Variants in FARS2 observed in about 807,000 individuals in gnomAD.
FARS2 encodes the protein phenylalanyl-tRNA synthetase 2, mitochondrial, also known as phenylalanine--tRNA ligase, mitochondrial.
A neutral mutation model predicts 46.4 loss-of-function variants in FARS2; 40 were observed. The ratio of observed to expected loss-of-function variants is 0.86; its 90% confidence interval spans 0.67 to 1.12. The LOEUF (loss-of-function observed/expected upper bound fraction) is 1.12. FARS2 is among the 50% of genes most tolerant of loss of function. FARS2 has a pLI of 0.00. For missense variants in FARS2, 513 were observed against 567.9 expected (o/e 0.90, Z 0.98); for synonymous variants, 234 against 214.9 (o/e 1.09, Z -0.78).
rs187039046 is a variant in FARS2 at position 5,732,313 on chromosome 6, T to A, written c.1218-38978T>A. Among the ~76,000 whole-genome samples, 244 of 152,102 alleles carry A rather than the reference T, an allele frequency of 1.6e-3. 2 individuals carry two copies. The highest frequency in any genetic ancestry group is 5.5e-3 in the African/African-American group (228 of 41,492). ...TGGCGGTGCACACTCTAGCCCTCCA[T>A]GGAGGGCAGTGACCCAGGTGTGTTC... On this transcript the variant is annotated intron_variant, in intron 6 of 6. Coordinates refer to ENST00000274680, the MANE Select transcript of FARS2 (RefSeq NM_006567.5).
At chr6:5,729,154 G>A (rs1760466281) in intron 6 of FARS2, among the ~76,000 whole-genome samples, 1 of 152,212 alleles carries the variant, frequency 6.6e-6, no homozygotes, top group East Asian at 1.9e-4. Context: ...AGTCCCAGGT[G>A]GAATCAATCT....
At chr6:5,663,585 A>C (rs1385501993) in intron 6 of FARS2, among the ~76,000 whole-genome samples, 1 of 152,180 alleles carries the variant, frequency 6.6e-6, no homozygotes, top group Non-Finnish European at 1.5e-5. Flanking sequence ...AAAAGTGGAG[A>C]GGACTTGAGA....
At chr6:5,434,141 G>A (rs1438500156) in intron 4 of FARS2, among the ~76,000 whole-genome samples, 3 of 152,080 alleles carry the variant, frequency 2.0e-5, no homozygotes, top group Non-Finnish European at 2.9e-5. Context: ...ACAGAGTCTC[G>A]CTCTGTTGCC....
rs543933021 is a variant in FARS2, at chr6:5,472,186, T to G, written c.904+41014T>G. 7.2e-4 allele frequency among the ~76,000 whole-genome samples: 110 copies of G among 152,276 alleles called. 1 individual carries two copies. Among genetic ancestry groups the G allele is most frequent in the African/African-American group, 2.6e-3 (108 of 41,552 alleles). ...GGATTGGGGCTGGGGGCTGGTGTAGTGGTGCTTCTGGAGCCTGTGGGCCGC... is the reference window on the plus strand; with the variant it reads ...GGATTGGGGCTGGGGGCTGGTGTAGGGGTGCTTCTGGAGCCTGTGGGCCGC... On this transcript the variant is annotated intron_variant, in intron 4 of 6. Coordinates refer to ENST00000274680, the MANE Select transcript of FARS2 (RefSeq NM_006567.5).
At chr6:5,288,032 T>C (rs1244698675) in intron 1 of FARS2, among the ~76,000 whole-genome samples, 1 of 152,228 alleles carries the variant, frequency 6.6e-6, no homozygotes, top group East Asian at 1.9e-4. Flanking sequence ...TCCTCCCAGC[T>C]GCCTTGTTCC....
chr6:5,545,138 T>C lies in FARS2; in HGVS notation c.905-42T>C, dbSNP rs763608264. On this transcript the variant is annotated intron_variant, in intron 4 of 6. Coordinates refer to ENST00000274680, the MANE Select transcript of FARS2 (RefSeq NM_006567.5). Reference sequence around the variant, plus strand: ...GGGAGTGGTATGAACCTATCCAATCTCGATACTTTTTAAAAACAACTATTT... The same window carrying C: ...GGGAGTGGTATGAACCTATCCAATCCCGATACTTTTTAAAAACAACTATTT... 5.6e-6 allele frequency: 9 copies of C among 1,603,098 alleles called. No homozygotes were observed. The East Asian group carries it at 2.0e-4, about 36-fold the overall frequency.
At chr6:5,489,005 C>CTT (rs1766942737) in intron 4 of FARS2, among the ~76,000 whole-genome samples, 1 of 152,052 alleles carries the variant, frequency 6.6e-6, no homozygotes, top group Non-Finnish European at 1.5e-5. Context: ...CTTTCTGGAG[C>CTT]TTACAGTATG....
intron 4 of FARS2, among the ~76,000 whole-genome samples, chr6:5,487,789 C>T (rs78404744): frequency 0.01 from 1,547 of 152,304 alleles, 26 homozygotes; most frequent in African/African-American, 0.035. Context: ...TGGTCATTGA[C>T]ATACCGTGGT....
chr6:5,626,592 A>G (rs1024129734), intron 6 of FARS2, among the ~76,000 whole-genome samples: 9 of 151,992 alleles, frequency 5.9e-5, no homozygotes, highest in African/African-American at 2.2e-4. Context: ...CCTCTCCCAC[A>G]TCCTCCTTAG....
chr6:5,368,831 G>C lies in FARS2; in HGVS notation c.261G>C (p.Trp87Cys). ...NLHNQQHHPLWLIKERVKEHF... is the reference protein window; with the variant it reads ...NLHNQQHHPLCLIKERVKEHF... ...ACAACCAGCAGCATCACCCTCTGTG[G>C]CTGATCAAGGAGAGGGTGAAGGAGC... Residue 87 changes from tryptophan to cysteine, a missense_variant, in exon 2 of 7, where the codon TGG becomes TGC. Trp to Cys is a radical substitution (Grantham distance 215). Coordinates refer to ENST00000274680, the MANE Select transcript of FARS2 (RefSeq NM_006567.5). 2 of 1,614,176 alleles carry C rather than the reference G, an allele frequency of 1.2e-6. No individual in the cohort carries two copies. Among genetic ancestry groups the C allele is most frequent in the African/African-American group, 2.7e-5 (2 of 75,046 alleles).
intron 3 of FARS2, among the ~76,000 whole-genome samples, chr6:5,415,513 C>T (rs1175102569): frequency 3.3e-5 from 5 of 151,398 alleles, no homozygotes; most frequent in East Asian, 2.0e-4. Flanking sequence ...GACAGAGTTT[C>T]GCTATGTTAG....
At chr6:5,488,196 C>T (rs921231726) in intron 4 of FARS2, among the ~76,000 whole-genome samples, 4 of 152,164 alleles carry the variant, frequency 2.6e-5, no homozygotes, top group African/African-American at 9.7e-5. Context: ...TTGATCCCAA[C>T]TTTCCCCTAA....
intron 5 of FARS2, among the ~76,000 whole-genome samples, chr6:5,553,090 TGGTGGCTTACAA>T (rs1019466196): frequency 2.0e-5 from 3 of 152,246 alleles, no homozygotes; most frequent in Admixed American, 1.3e-4. Flanking sequence ...TGTCTATCCA[TGGTGGCTTACAA>T]GGTCAGCCCT....
chr6:5,350,169 ATTTTTTT>A (rs57211565), intron 1 of FARS2, among the ~76,000 whole-genome samples: 1 of 131,710 alleles, frequency 7.6e-6, no homozygotes, highest in Non-Finnish European at 1.6e-5. Flanking sequence ...TGCCTGGCAA[ATTTTTTT>A]TTTTTTTTTT....
chr6:5,639,756 G>C (rs746163499), intron 6 of FARS2, among the ~76,000 whole-genome samples: 1 of 152,154 alleles, frequency 6.6e-6, no homozygotes, highest in Non-Finnish European at 1.5e-5. Flanking sequence ...ACAACACTTC[G>C]TTGATGACCA....
the FARS2 span, among the ~76,000 whole-genome samples, chr6:5,252,479 C>G: frequency 6.6e-6 from 1 of 152,186 alleles, no homozygotes; most frequent in Non-Finnish European, 1.5e-5. Flanking sequence ...TTCTGACACA[C>G]GCCTTGCATT....
intron 1 of FARS2, among the ~76,000 whole-genome samples, chr6:5,360,974 G>A (rs980124570): frequency 6.6e-6 from 1 of 152,170 alleles, no homozygotes; most frequent in African/African-American, 2.4e-5. Flanking sequence ...GAAACTTGGC[G>A]AGATAGGACA....
the FARS2 span, among the ~76,000 whole-genome samples, chr6:5,250,595 C>T: frequency 0.29 from 43,661 of 152,040 alleles, 7,891 homozygotes; most frequent in African/African-American, 0.51. Flanking sequence ...TAAGAAACTG[C>T]TTTTAGGCAC....
In FARS2 at chr6:5,405,480, C is replaced by CTTTTT. The variant is rs398000284; in HGVS notation, c.772+800_772+804dup. Reference sequence around the variant, plus strand: ...AGGACGTGATCAGTGGAGCAAGGTTCTTTTTTTTTTTTTTTTTTTTTTTTT... The same window carrying CTTTTT: ...AGGACGTGATCAGTGGAGCAAGGTTCTTTTTTTTTTTTTTTTTTTTTTTTTTTTTT... On this transcript the variant is annotated intron_variant, in intron 3 of 6. Coordinates refer to ENST00000274680, the MANE Select transcript of FARS2 (RefSeq NM_006567.5). Among the ~76,000 whole-genome samples, 86 of 58,948 alleles carry CTTTTT rather than the reference C, an allele frequency of 1.5e-3. 6 individuals carry two copies. Among genetic ancestry groups the CTTTTT allele is most frequent in the African/African-American group, 4.0e-3 (61 of 15,400 alleles). The allele number at this position is 58,948 out of a possible 152,430, so 38.7% of individuals were successfully genotyped here. A position where few individuals can be genotyped will look rare whatever the true frequency, so the allele number is the denominator to read the frequency against.
Sources: gnomAD v4.1 joint callset for allele counts (sites outside exome capture counted in the v4.1 genomes callset) on GRCh38, gnomAD v4.1.1 for gene constraint, MANE v1.5 for transcripts, NCBI Gene and HGNC (gene_info 2026-07-23, HGNC 2026-07-21) for gene names.